KCNMA1: variants seen among roughly 807,000 people sequenced by gnomAD.
The protein encoded by KCNMA1 is potassium calcium-activated channel subfamily M alpha 1.
A neutral mutation model predicts 140.0 loss-of-function variants in KCNMA1; 29 were observed. The observed-to-expected ratio is 0.21, with a 90% CI of 0.15 to 0.28. KCNMA1 has a LOEUF of 0.28. Among genes scored for constraint, KCNMA1 ranks in the 10% least tolerant of loss-of-function variants. The probability of loss-of-function intolerance (pLI) is 1.00; values close to 1 mark genes in which losing one functional copy is unlikely to be tolerated. For synonymous variants in KCNMA1, 612 were observed against 611.9 expected (o/e 1.00, Z 0.00); for missense variants, 880 against 1,602.2 (o/e 0.55, Z 7.70).
intron 1 of KCNMA1, among the ~76,000 whole-genome samples, chr10:77,509,543 A>G (rs1456248393): frequency 6.6e-6 from 1 of 152,118 alleles, no homozygotes. Flanking sequence ...TGGTAATTCT[A>G]TGTGTCATAT....
At chr10:76,950,358 C>T (rs1231908076) in intron 21 of KCNMA1, among the ~76,000 whole-genome samples, 3 of 152,170 alleles carry the variant, frequency 2.0e-5, no homozygotes, top group Non-Finnish European at 2.9e-5. Context: ...GAGCAACAGG[C>T]CAGTGTCTTC....
At chr10:77,622,452 T>C (rs2091632878) in intron 1 of KCNMA1, among the ~76,000 whole-genome samples, 1 of 152,242 alleles carries the variant, frequency 6.6e-6, no homozygotes, top group South Asian at 2.1e-4. Flanking sequence ...CACCTGTGTG[T>C]GACCCTGAGC....
intron 2 of KCNMA1, among the ~76,000 whole-genome samples, chr10:77,253,915 G>A (rs2154255557): frequency 6.6e-6 from 1 of 152,226 alleles, no homozygotes; most frequent in South Asian, 2.1e-4. Flanking sequence ...AGGTGCTGCA[G>A]AAAACACATC....
Position 77,298,108 on chromosome 10 carries a change from A to G in KCNMA1, c.541-46852T>C, listed in dbSNP as rs543962568. Among the ~76,000 whole-genome samples, 6 of 152,340 alleles carry G rather than the reference A, an allele frequency of 3.9e-5. 1 individual carries two copies. The highest frequency in any genetic ancestry group is 3.9e-4 in the East Asian group (2 of 5,184). Reference sequence around the variant, plus strand: ...CCAAGAATTGTATCGTAAGAATGGAACAATAATTGAACCTTGTGTCCCCTG... The same window carrying G: ...CCAAGAATTGTATCGTAAGAATGGAGCAATAATTGAACCTTGTGTCCCCTG... On this transcript the variant is annotated intron_variant, in intron 2 of 27. Transcript: ENST00000286628.
chr10:77,397,565 G>A (rs1273533285), intron 2 of KCNMA1, among the ~76,000 whole-genome samples: 1 of 152,106 alleles, frequency 6.6e-6, no homozygotes, highest in Non-Finnish European at 1.5e-5. Context: ...ATCACATGCT[G>A]GAACTTATTC....
At chr10:76,941,018 G>GAGGAAAGAAAGAAAGAAAGAAAGA (rs2061874631) in intron 23 of KCNMA1, among the ~76,000 whole-genome samples, 7 of 38,256 alleles carry the variant, frequency 1.8e-4, no homozygotes, top group Admixed American at 9.5e-4. Flanking sequence ...AGGAAGGAAG[G>GAGGAAAGAAAGAAAGAAAGAAAGA]AAGAAAGAAA....
intron 2 of KCNMA1, among the ~76,000 whole-genome samples, chr10:77,397,288 A>C (rs2096089384): frequency 6.6e-6 from 1 of 152,216 alleles, no homozygotes; most frequent in African/African-American, 2.4e-5. Context: ...CAAGGGGATA[A>C]ATTAGACTGA....
At chr10:77,051,130 T>C (rs1421710525) in intron 14 of KCNMA1, among the ~76,000 whole-genome samples, 1 of 152,202 alleles carries the variant, frequency 6.6e-6, no homozygotes, top group Non-Finnish European at 1.5e-5. Context: ...CTAATTTCTA[T>C]TCAACTTTCC....
chr10:77,301,349 A>C (rs2076486003), intron 2 of KCNMA1, among the ~76,000 whole-genome samples: 1 of 152,166 alleles, frequency 6.6e-6, no homozygotes, highest in South Asian at 2.1e-4. Flanking sequence ...AAATGACCTA[A>C]TTCTCTAAAC....
At chr10:77,032,789 T>C (rs2094034083) in intron 15 of KCNMA1, among the ~76,000 whole-genome samples, 1 of 151,766 alleles carries the variant, frequency 6.6e-6, no homozygotes, top group Non-Finnish European at 1.5e-5. Context: ...TCAACCCAGA[T>C]GTTCCTGAAC....
chr10:77,633,878 G>A (rs1171328079), intron 1 of KCNMA1, among the ~76,000 whole-genome samples: 1 of 152,170 alleles, frequency 6.6e-6, no homozygotes, highest in Non-Finnish European at 1.5e-5. Flanking sequence ...ACCACATGCT[G>A]GAAGACGAGC....
chr10:76,988,019 G>A (rs1413183832), intron 19 of KCNMA1, among the ~76,000 whole-genome samples: 1 of 152,190 alleles, frequency 6.6e-6, no homozygotes, highest in Non-Finnish European at 1.5e-5. Flanking sequence ...ATGAGCATGT[G>A]AGCTTGGCAG....
chr10:77,245,390 G>C (rs12772410), intron 3 of KCNMA1, among the ~76,000 whole-genome samples: 24,946 of 152,186 alleles, frequency 0.16, 2,337 homozygotes, highest in Middle Eastern at 0.21. Flanking sequence ...AATGGGATGG[G>C]ATCTGTGCTG....
intron 2 of KCNMA1, among the ~76,000 whole-genome samples, chr10:77,364,525 C>T (rs1312005334): frequency 3.9e-5 from 6 of 152,114 alleles, no homozygotes; most frequent in Non-Finnish European, 1.5e-5. Flanking sequence ...TGGAGGCTTA[C>T]ATTAACTCAT....
chr10:76,939,274 C>A (rs2061398887), intron 23 of KCNMA1: 1 of 152,138 alleles, frequency 6.6e-6, no homozygotes, highest in Non-Finnish European at 1.5e-5. Flanking sequence ...GGGCGTGCCA[C>A]CAGGCCTTGC....
At chr10:77,236,117 TC>T (rs2055347635) in intron 3 of KCNMA1, among the ~76,000 whole-genome samples, 1 of 152,132 alleles carries the variant, frequency 6.6e-6, no homozygotes, top group Admixed American at 6.5e-5. Flanking sequence ...CATGATCCAG[TC>T]CCAGTAAAAA....
chr10:76,947,285 C>G (rs112225708), intron 22 of KCNMA1, among the ~76,000 whole-genome samples: 1 of 152,028 alleles, frequency 6.6e-6, no homozygotes, highest in Non-Finnish European at 1.5e-5. Flanking sequence ...TGCAGTGAGC[C>G]GAGATCGTGC....
At chr10:76,947,990 C>G (rs1370282219) in intron 22 of KCNMA1, among the ~76,000 whole-genome samples, 2 of 6,694 alleles carry the variant, frequency 3.0e-4, no homozygotes, top group African/African-American at 9.6e-4. Flanking sequence ...CCATGTTCCT[C>G]AGTTGTTTCT....
At chr10:77,159,300 C>T (rs1424101933) in intron 5 of KCNMA1, among the ~76,000 whole-genome samples, 1 of 152,146 alleles carries the variant, frequency 6.6e-6, no homozygotes, top group African/African-American at 2.4e-5. Context: ...GTAACATCAT[C>T]CGCTCCTTTC....
Sources: allele counts gnomAD v4.1 joint callset (sites outside exome capture counted in the v4.1 genomes callset), GRCh38; gene constraint gnomAD v4.1.1; transcripts MANE v1.5; gene names NCBI Gene and HGNC (gene_info 2026-07-23, HGNC 2026-07-21).